The following ABCC8 variants were observed in gnomAD, a reference collection of about 807,000 sequenced individuals.
ABCC8 encodes the protein ATP binding cassette subfamily C member 8.
A neutral mutation model predicts 188.0 loss-of-function variants in ABCC8; 137 were observed. The observed-to-expected ratio is 0.73, with a 90% CI of 0.63 to 0.84. The LOEUF is 0.84. Among genes scored for constraint, ABCC8 ranks in the 40% least tolerant of loss-of-function variants. ABCC8 has a pLI of 0.00. For synonymous variants in ABCC8, 797 were observed against 846.5 expected (o/e 0.94, Z 1.01); for missense variants, 1,750 against 2,072.7 (o/e 0.84, Z 3.02).
At position 17,427,747 on chromosome 11, in the gene ABCC8, G is replaced by T; in HGVS notation, c.2116+120C>A. On this transcript the variant is annotated intron_variant, in intron 15 of 38. Coordinates refer to ENST00000389817, the MANE Select transcript of ABCC8 (RefSeq NM_000352.6). This position sits in a 1 kb window ranked among gnomAD's most constrained non-coding sequence, Gnocchi z 5.0. ...CCTTCCCCTTCTATAATATACCCAG[G>T]GCATACACCAAGAATGAGCAGAGAG... 1 of 1,336,470 alleles carries T rather than the reference G, an allele frequency of 7.5e-7. No individual in the cohort carries two copies. The highest frequency in any genetic ancestry group is 1.0e-6 in the Non-Finnish European group (1 of 970,240). 82.8% of individuals were successfully genotyped at this position (1,336,470 alleles called of 1,614,324 possible).
intron 28 of ABCC8, among the ~76,000 whole-genome samples, chr11:17,403,885 C>T (rs1022367382): frequency 4.6e-5 from 7 of 152,130 alleles, no homozygotes; most frequent in East Asian, 1.9e-4. Flanking sequence ...CTGGCCTAGA[C>T]GTTCTTTAAA....
intron 6 of ABCC8, among the ~76,000 whole-genome samples, chr11:17,454,619 G>A (rs577584037): frequency 6.6e-6 from 1 of 152,292 alleles, no homozygotes; most frequent in East Asian, 1.9e-4. Flanking sequence ...ATTTCCAGGG[G>A]AGGAAGGGGC....
intron 6 of ABCC8, among the ~76,000 whole-genome samples, chr11:17,453,624 TA>T (rs1185644971): frequency 1.3e-5 from 2 of 152,146 alleles, no homozygotes; most frequent in African/African-American, 4.8e-5. Flanking sequence ...ATAGAGCACC[TA>T]AAACCTGAAC....
intron 8 of ABCC8, chr11:17,444,195 T>C (rs572885194): frequency 1.3e-5 from 2 of 152,216 alleles, no homozygotes; most frequent in African/African-American, 4.8e-5. Flanking sequence ...GGCTGGGAAG[T>C]GGCCCCTTCA....
chr11:17,449,732 C>T (rs1316209992), intron 7 of ABCC8, among the ~76,000 whole-genome samples: 1 of 152,208 alleles, frequency 6.6e-6, no homozygotes, highest in Non-Finnish European at 1.5e-5. Flanking sequence ...GGCTCCCCGC[C>T]CTTAATTCCT....
At chr11:17,421,154 C>T (rs566571121) in intron 16 of ABCC8, among the ~76,000 whole-genome samples, 1 of 152,336 alleles carries the variant, frequency 6.6e-6, no homozygotes, top group African/African-American at 2.4e-5. Flanking sequence ...TAGGCCTTTT[C>T]CTTTGTAGCC....
At chr11:17,449,300 G>T (rs1956667139) in intron 7 of ABCC8, among the ~76,000 whole-genome samples, 1 of 152,160 alleles carries the variant, frequency 6.6e-6, no homozygotes, top group African/African-American at 2.4e-5. Flanking sequence ...GGAGAACACA[G>T]ATCAGAGCCA....
Position 17,417,028 on chromosome 11 carries a change from C to T in ABCC8, c.2223-66G>A. On this transcript the variant is annotated intron_variant, in intron 16 of 38. Transcript: ENST00000389817. ...CCCACCCCATTGCCTTTCCATCACG[C>T]TGAGTCTTAGGGGAGAAGCAATCCC... 7 of 1,609,664 alleles carry T rather than the reference C, an allele frequency of 4.3e-6. No homozygotes were observed. The South Asian group carries it at 5.5e-5, about 13-fold the overall frequency.
chr11:17,451,327 T>C (rs1221453319), intron 7 of ABCC8, among the ~76,000 whole-genome samples: 1 of 152,226 alleles, frequency 6.6e-6, no homozygotes, highest in South Asian at 2.1e-4. Context: ...TGGGCCCCCA[T>C]GAGTCTTAGA....
At chr11:17,456,085 T>C (rs1295295174) in intron 6 of ABCC8, among the ~76,000 whole-genome samples, 2 of 151,938 alleles carry the variant, frequency 1.3e-5, no homozygotes, top group African/African-American at 4.8e-5. Flanking sequence ...GTCAGCACCC[T>C]GCAGGTACCA....
chr11:17,415,311 C>A lies in ABCC8; in HGVS notation c.2284G>T (p.Asp762Tyr), dbSNP rs775126573. ...SPERETATDL[D>Y]IRKRGPVAYA... The stretch of plus-strand genomic sequence containing the variant: ...GTTCCCAGGACGCAGTACCTGATAT[C>A]CAAGTCGGTCGCTGTCTCCCGCTCT... Residue 762 changes from aspartate (D) to tyrosine (Y), a missense_variant, in exon 18 of 39, where the codon GAT (aspartate) becomes TAT (tyrosine). By Grantham distance (160) the Asp-to-Tyr change is radical (BLOSUM62 -3). Transcript: ENST00000389817. 1 of 1,609,996 alleles carries A rather than the reference C, an allele frequency of 6.2e-7. No homozygotes were observed. Among genetic ancestry groups the A allele is most frequent in the Non-Finnish European group, 8.5e-7 (1 of 1,178,784 alleles).
chr11:17,436,221 G>C (rs144657444), intron 10 of ABCC8: 1 of 620,496 alleles, frequency 1.6e-6, no homozygotes, highest in African/African-American at 1.8e-5. Context: ...AGCTACTTGT[G>C]TTTTAAAGGT....
intron 16 of ABCC8, among the ~76,000 whole-genome samples, chr11:17,423,784 C>T (rs945175524): frequency 2.7e-4 from 41 of 152,222 alleles, no homozygotes; most frequent in African/African-American, 9.9e-4. Context: ...ACAGCGGCTG[C>T]TGGCCTTTGG....
intron 7 of ABCC8, among the ~76,000 whole-genome samples, chr11:17,450,253 T>C (rs1956715078): frequency 1.9e-5 from 1 of 52,638 alleles, no homozygotes; most frequent in Non-Finnish European, 4.1e-5. Context: ...TTTTTCTTTC[T>C]TTCTTTCTCT....
chr11:17,427,743 C>T lies in ABCC8; in HGVS notation c.2116+124G>A. 7.6e-7 allele frequency: 1 copy of T among 1,322,102 alleles called. No homozygotes were observed. Among genetic ancestry groups the T allele is most frequent in the Admixed American group, 2.1e-5 (1 of 47,776 alleles). The allele number at this position is 1,322,102 out of a possible 1,614,324, so 81.9% of individuals were successfully genotyped here. On this transcript the variant is annotated intron_variant, in intron 15 of 38. Coordinates refer to ENST00000389817, the MANE Select transcript of ABCC8 (RefSeq NM_000352.6). This position sits in a 1 kb window ranked among gnomAD's most constrained non-coding sequence, Gnocchi z 5.0. ...GTAGCCTTCCCCTTCTATAATATAC[C>T]CAGGGCATACACCAAGAATGAGCAG... is the stretch of plus-strand genomic sequence containing the variant.
intron 17 of ABCC8, among the ~76,000 whole-genome samples, chr11:17,416,555 A>G (rs1955083599): frequency 6.6e-6 from 1 of 152,162 alleles, no homozygotes; most frequent in African/African-American, 2.4e-5. Context: ...ATCTAATTCC[A>G]AAACATTTTT....
chr11:17,431,243 T>C (rs1327884381), intron 11 of ABCC8, among the ~76,000 whole-genome samples: 6 of 152,218 alleles, frequency 3.9e-5, no homozygotes, highest in Admixed American at 3.9e-4. Flanking sequence ...GGAGGAGATC[T>C]CGGGTTAGGT....
In ABCC8 at chr11:17,402,647, A is replaced by G. The variant is rs1359701808; in HGVS notation, c.3650+14T>C. The G allele has an allele frequency of 3.1e-6, 5 of 1,614,010 alleles. No homozygotes were observed. In the African/African-American group the frequency reaches 5.3e-5, roughly 17 times the overall value. Reference sequence around the variant, plus strand: ...CCTGTTCCACTCCTACCTTGGGGGAATGTGGACTCGTACCTGAAGGCCCGG... The same window carrying G: ...CCTGTTCCACTCCTACCTTGGGGGAGTGTGGACTCGTACCTGAAGGCCCGG... On this transcript the variant is annotated intron_variant, in intron 29 of 38. Coordinates refer to ENST00000389817, the MANE Select transcript of ABCC8 (RefSeq NM_000352.6).
Position 17,396,916 on chromosome 11 carries a change from C to T in ABCC8, c.4119G>A (p.Lys1373=). 6.2e-7 allele frequency: 1 copy of T among 1,614,036 alleles called. No individual in the cohort carries two copies. Among genetic ancestry groups the T allele is most frequent in the Non-Finnish European group, 8.5e-7 (1 of 1,180,008 alleles). Residue 1373 remains lysine (K), a splice_region_variant and synonymous_variant, in exon 33 of 39, where the codon AAG becomes AAA. Coordinates refer to ENST00000389817, the MANE Select transcript of ABCC8 (RefSeq NM_000352.6). ...HVNALIAPGQ[K]IGICGRTGSG... ...CATTGGGTTGGGCCCGTGCTCTGAC[C>T]TTCTGTCCAGGGGCGATGAGGGCAT...
Sources: allele counts gnomAD v4.1 joint callset (sites outside exome capture counted in the v4.1 genomes callset), GRCh38; gene constraint gnomAD v4.1.1; non-coding constraint Gnocchi (gnomAD v3.1); transcripts MANE v1.5; gene names NCBI Gene and HGNC (gene_info 2026-07-23, HGNC 2026-07-21).